The following CLPB variants were observed in gnomAD, a reference collection of about 807,000 sequenced individuals.
The protein encoded by CLPB is ClpB family mitochondrial disaggregase.
In CLPB, 40 loss-of-function variants were observed where a neutral mutation model predicts 78.4. That is an observed-to-expected ratio of 0.51 (90% CI 0.40 to 0.66). CLPB has a LOEUF of 0.66. CLPB is among the 30% of genes least tolerant of loss of function. The pLI, the probability that CLPB is intolerant of heterozygous loss-of-function variation, is 0.00. For synonymous variants in CLPB, 333 were observed against 348.0 expected, an observed-to-expected ratio of 0.96 and a Z score of 0.48; for missense variants, 780 against 886.9, an observed-to-expected ratio of 0.88 and a Z score of 1.53.
Position 72,317,093 on chromosome 11 carries a change from C to T in CLPB, c.988+13G>A, listed in dbSNP as rs201070411. 1.9e-6 allele frequency: 3 copies of T among 1,592,942 alleles called. No homozygotes were observed. Among genetic ancestry groups the T allele is most frequent in the African/African-American group, 2.7e-5 (2 of 74,530 alleles). Reference sequence around the variant, plus strand: ...GGCACCACTCTGCCCTTTCTGGTGTCCCACACACTCACCAGCACCCACTGT... The same window carrying T: ...GGCACCACTCTGCCCTTTCTGGTGTTCCACACACTCACCAGCACCCACTGT... On this transcript the variant is annotated intron_variant, in intron 7 of 15. Coordinates refer to ENST00000538039, the MANE Select transcript of CLPB (RefSeq NM_001258392.3).
intron 2 of CLPB, among the ~76,000 whole-genome samples, chr11:72,408,980 G>A (rs1855795528): frequency 6.6e-6 from 1 of 152,228 alleles, no homozygotes; most frequent in Non-Finnish European, 1.5e-5. Context: ...GCAAAATGTG[G>A]CAAGTGAATT....
At chr11:72,371,485 T>C (rs1344250525) in intron 4 of CLPB, among the ~76,000 whole-genome samples, 1 of 151,472 alleles carries the variant, frequency 6.6e-6, no homozygotes, top group Non-Finnish European at 1.5e-5. Flanking sequence ...GCTGAGATCA[T>C]GCCACTCACT....
intron 5 of CLPB, among the ~76,000 whole-genome samples, chr11:72,339,582 G>T (rs1470761913): frequency 6.6e-6 from 1 of 152,174 alleles, no homozygotes; most frequent in African/African-American, 2.4e-5. Flanking sequence ...TTATATACTG[G>T]TTTACAGATT....
intron 2 of CLPB, among the ~76,000 whole-genome samples, chr11:72,414,686 G>C (rs1488690378): frequency 6.6e-6 from 1 of 152,218 alleles, no homozygotes; most frequent in Non-Finnish European, 1.5e-5. Flanking sequence ...TTCTGAGCTG[G>C]AGGAGGGAAA....
rs201552600 is a variant in CLPB, at chr11:72,359,024, C to A, written c.647-16G>T. 1.2e-6 allele frequency: 2 copies of A among 1,612,936 alleles called. No individual in the cohort carries two copies. Among genetic ancestry groups the A allele is most frequent in the East Asian group, 4.5e-5 (2 of 44,842 alleles). ...GTGATCAGGACTGGGGAGACAGCAA[C>A]ACAAACCCTTCCATTAGCAACGACA... is the stretch of plus-strand genomic sequence containing the variant. On this transcript the variant is annotated splice_polypyrimidine_tract_variant and intron_variant, in intron 4 of 15. Coordinates refer to ENST00000538039, the MANE Select transcript of CLPB (RefSeq NM_001258392.3).
chr11:72,394,078 A>T (rs537455148), intron 3 of CLPB, among the ~76,000 whole-genome samples: 1 of 152,324 alleles, frequency 6.6e-6, no homozygotes, highest in African/African-American at 2.4e-5. Context: ...CAGGTCATTT[A>T]CATTTACTAG....
intron 5 of CLPB, chr11:72,354,172 T>C (rs1950663877): frequency 2.7e-6 from 1 of 369,966 alleles, no homozygotes; most frequent in Non-Finnish European, 4.8e-6. Context: ...CCAATATTCA[T>C]GCTCTTCCCT....
chr11:72,430,443 A>G (rs1299352386), intron 1 of CLPB, 80 bp from the exon 2 acceptor site: 8 of 1,256,518 alleles, frequency 6.4e-6, no homozygotes, highest in Non-Finnish European at 9.0e-6. Flanking sequence ...CCACTAAGAC[A>G]GTGGCAGTAC....
chr11:72,390,814 C>CAATTCTTAGAAA (rs1243182440), intron 3 of CLPB, among the ~76,000 whole-genome samples: 1 of 152,112 alleles, frequency 6.6e-6, no homozygotes, highest in Non-Finnish European at 1.5e-5. Flanking sequence ...CCTGAGTATA[C>CAATTCTTAGAAA]AATTCTTAGA....
rs144444221 is a variant in CLPB at position 72,340,985 on chromosome 11, G to A, written c.776-11181C>T. 9.2e-5 allele frequency among the ~76,000 whole-genome samples: 14 copies of A among 152,180 alleles called. No homozygotes were observed. The East Asian group carries it at 1.5e-3, about 17-fold the overall frequency. ...CCTGCCTCAGCCTGGCACCACGCCC[G>A]GCTAATTTTTTGTATCTTTAGTAGA... On this transcript the variant is annotated intron_variant, in intron 5 of 15. Transcript: ENST00000538039.
chr11:72,432,759 A>G (rs1289529290), intron 1 of CLPB, among the ~76,000 whole-genome samples: 2 of 152,218 alleles, frequency 1.3e-5, no homozygotes. Context: ...TCACAATGAG[A>G]GTTAGACACA....
chr11:72,365,263 A>G (rs115360959), intron 4 of CLPB, among the ~76,000 whole-genome samples: 2,343 of 152,314 alleles, frequency 0.015, 64 homozygotes, highest in African/African-American at 0.054. Flanking sequence ...TCAATGCTAT[A>G]GTGAGCCGTG....
intron 2 of CLPB, among the ~76,000 whole-genome samples, chr11:72,407,436 G>A (rs1855741438): frequency 6.6e-6 from 1 of 152,130 alleles, no homozygotes. Context: ...TGAGCTATTT[G>A]TTATACGCAT....
At chr11:72,347,807 ACTAT>A (rs1355007843) in intron 5 of CLPB, among the ~76,000 whole-genome samples, 1 of 152,184 alleles carries the variant, frequency 6.6e-6, no homozygotes, top group Non-Finnish European at 1.5e-5. Context: ...ATTACTCTGG[ACTAT>A]CTGAGTGGGC....
chr11:72,375,410 AT>A (rs1356237969), intron 4 of CLPB, among the ~76,000 whole-genome samples: 6 of 151,892 alleles, frequency 4.0e-5, no homozygotes, highest in African/African-American at 1.2e-4. Flanking sequence ...ATTCTCCTCA[AT>A]CCTGCAGCAG....
At chr11:72,308,987 C>G (rs996473684) in intron 7 of CLPB, among the ~76,000 whole-genome samples, 1 of 152,156 alleles carries the variant, frequency 6.6e-6, no homozygotes, top group Non-Finnish European at 1.5e-5. Context: ...AGTGGGACTA[C>G]GGGCCGCCTC....
At chr11:72,329,383 G>C (rs989098616) in intron 6 of CLPB, among the ~76,000 whole-genome samples, 3 of 152,216 alleles carry the variant, frequency 2.0e-5, no homozygotes, top group Admixed American at 1.3e-4. Flanking sequence ...TGTCTGGCTA[G>C]AACCCCCTCC....
In CLPB at chr11:72,434,517, C is replaced by A; in HGVS notation, c.-43G>T. On this transcript the variant is annotated 5_prime_UTR_variant, in exon 1 of 16. Transcript: ENST00000538039. ...TAACCCCGTGGTGCCGGCCCCTGTGCTGACCACGTCCAACATGGCTGCCGC... is the reference window on the plus strand; with the variant it reads ...TAACCCCGTGGTGCCGGCCCCTGTGATGACCACGTCCAACATGGCTGCCGC... The A allele has an allele frequency of 2.6e-6, 4 of 1,511,270 alleles. No homozygotes were observed. Among genetic ancestry groups the A allele is most frequent in the Non-Finnish European group, 3.5e-6 (4 of 1,130,192 alleles). 93.6% of individuals were successfully genotyped at this position (1,511,270 alleles called of 1,614,324 possible). A position where few individuals can be genotyped will look rare whatever the true frequency, so the allele number is the denominator to read the frequency against.
At chr11:72,425,261 G>A (rs1856339630) in intron 2 of CLPB, among the ~76,000 whole-genome samples, 1 of 152,216 alleles carries the variant, frequency 6.6e-6, no homozygotes, top group Non-Finnish European at 1.5e-5. Context: ...CTCCTAGTTA[G>A]ACTGTGCCAA....
Sources: allele counts gnomAD v4.1 joint callset (sites outside exome capture counted in the v4.1 genomes callset), GRCh38; gene constraint gnomAD v4.1.1; transcripts MANE v1.5; gene names NCBI Gene and HGNC (gene_info 2026-07-23, HGNC 2026-07-21).